The following ZNF329 variants were observed in gnomAD, a reference collection of about 807,000 sequenced individuals.
The protein encoded by ZNF329 is zinc finger protein 329.
Under a neutral mutation model 26.6 loss-of-function variants are expected in ZNF329, and 15 were observed. The observed-to-expected ratio is 0.56, with a 90% CI of 0.38 to 0.87. The LOEUF (loss-of-function observed/expected upper bound fraction) is 0.87. Ranked by LOEUF, ZNF329 falls within the 40% of genes least tolerant of loss-of-function variation. The pLI is 0.00. For missense variants in ZNF329, 651 were observed against 651.9 expected (o/e 1.00, Z 0.02); for synonymous variants, 239 against 233.5 (o/e 1.02, Z -0.21).
At chr19:58,151,598 T>A (rs1455308004), upstream of ZNF329, among the ~76,000 whole-genome samples, 2 of 118,384 alleles carry the variant, frequency 1.7e-5, no homozygotes, top group African/African-American at 3.4e-5. Context: ...GGAGACTTCG[T>A]CTCAAAAAAA....
At chr19:58,154,981 CGT>C (rs2146158992), upstream of ZNF329, 1 of 152,634 alleles carries the variant, frequency 6.6e-6, no homozygotes, top group East Asian at 1.9e-4. Flanking sequence ...AACCCGCAGC[CGT>C]GTCTCGGGCC....
chr19:58,144,382 A>ATCTATCTATC (rs148271661), intron 1 of ZNF329, among the ~76,000 whole-genome samples: 22,402 of 123,536 alleles, frequency 0.18, 2,284 homozygotes, highest in Non-Finnish European at 0.22. Flanking sequence ...CTATCTATCT[A>ATCTATCTATC]TATATATATA....
At chr19:58,145,314 CTTTTTT>C (rs71188087) in intron 1 of ZNF329, among the ~76,000 whole-genome samples, 18 of 106,170 alleles carry the variant, frequency 1.7e-4, no homozygotes, top group Non-Finnish European at 2.3e-4. Flanking sequence ...TTTTTTCTTC[CTTTTTT>C]TTTTTTTTTT....
intron 1 of ZNF329, among the ~76,000 whole-genome samples, chr19:58,147,352 C>T (rs1240515424): frequency 6.6e-5 from 10 of 150,392 alleles, no homozygotes; most frequent in Non-Finnish European, 1.3e-4. Flanking sequence ...CCCCTCCGCC[C>T]GGCAGCCACC....
chr19:58,147,491 A>C (rs1287052415), intron 1 of ZNF329, among the ~76,000 whole-genome samples: 9 of 102,102 alleles, frequency 8.8e-5, no homozygotes, highest in South Asian at 3.5e-4. Context: ...AGCCGCCCCT[A>C]CTGGGAAGTG....
chr19:58,133,223 C>T (rs955293770), intron 3 of ZNF329, among the ~76,000 whole-genome samples: 2 of 152,152 alleles, frequency 1.3e-5, no homozygotes, highest in Non-Finnish European at 2.9e-5. Context: ...TAACGGAAGG[C>T]TACTTTCAAA....
At chr19:58,147,324 C>T (rs281070) in intron 1 of ZNF329, among the ~76,000 whole-genome samples, 75,185 of 146,008 alleles carry the variant, frequency 0.51, 19,570 homozygotes, top group South Asian at 0.62. Context: ...GCAGCCGCCC[C>T]GTCTGAGAAG....
At chr19:58,141,841 C>T (rs1309201724) in intron 3 of ZNF329, among the ~76,000 whole-genome samples, 2 of 151,002 alleles carry the variant, frequency 1.3e-5, no homozygotes, top group African/African-American at 4.9e-5. Context: ...TGCAGTGAGC[C>T]GAGATCATGC....
intron 3 of ZNF329, among the ~76,000 whole-genome samples, chr19:58,140,651 G>A (rs1269031059): frequency 2.6e-5 from 4 of 151,468 alleles, no homozygotes; most frequent in African/African-American, 9.7e-5. Context: ...TCCTGACCTC[G>A]TGATCCGCCC....
chr19:58,151,487 G>C (rs1376109280), upstream of ZNF329, among the ~76,000 whole-genome samples: 4 of 151,876 alleles, frequency 2.6e-5, no homozygotes, highest in Non-Finnish European at 5.9e-5. Flanking sequence ...TGTAATCCCA[G>C]CTCCTCGGGA....
chr19:58,128,104 C>T lies in ZNF329; in HGVS notation c.1400G>A (p.Ser467Asn). The change falls in exon 4 of 4, where the codon AGC becomes AAC. Residue 467 changes from serine to asparagine, a missense_variant. By Grantham distance (46) the Ser-to-Asn change is conservative. Transcript: ENST00000598312. ...TCTCTGGTGCTTGGTCAGACAGGAG[C>T]TGTCCCTGAAGGCTTTGCCACACTG... is the stretch of plus-strand genomic sequence containing the variant. ...CNQCGKAFRD[S>N]SCLTKHQRIH... 1 of 1,603,222 alleles carries T rather than the reference C, an allele frequency of 6.2e-7. No homozygotes were observed. The highest frequency in any genetic ancestry group is 8.5e-7 in the Non-Finnish European group (1 of 1,174,574).
chr19:58,151,911 C>T (rs1184098013), upstream of ZNF329, among the ~76,000 whole-genome samples: 2 of 152,164 alleles, frequency 1.3e-5, no homozygotes, highest in Non-Finnish European at 2.9e-5. Context: ...AATCTGACTA[C>T]ATGTTAACAC....
rs1169916417 is a variant in ZNF329 at position 58,128,286 on chromosome 19, C to T, written c.1218G>A (p.Lys406=). Residue 406 remains lysine (K), a synonymous_variant, in exon 4 of 4, where the codon AAG becomes AAA. Transcript: ENST00000598312. ...EKPYECKECG[K]TFIESAYLIR... ...TGAGGTACGCACTCTCGATGAAAGT[C>T]TTGCCACATTCTTTACATTCATAGG... 6.2e-7 allele frequency: 1 copy of T among 1,612,020 alleles called. No individual in the cohort carries two copies. The highest frequency in any genetic ancestry group is 2.2e-5 in the East Asian group (1 of 44,854).
chr19:58,147,573 C>A (rs1318592199), intron 1 of ZNF329, among the ~76,000 whole-genome samples: 1 of 142,970 alleles, frequency 7.0e-6, no homozygotes. Context: ...GCCCGGCCAG[C>A]CGCCCCGTCC....
intron 3 of ZNF329, among the ~76,000 whole-genome samples, chr19:58,130,158 A>T (rs992887591): frequency 2.0e-5 from 3 of 152,134 alleles, no homozygotes; most frequent in African/African-American, 7.2e-5. Context: ...CGTCTCTACT[A>T]AAAATACAAA....
intron 3 of ZNF329, among the ~76,000 whole-genome samples, chr19:58,135,458 G>C (rs1353837570): frequency 6.6e-6 from 1 of 152,062 alleles, no homozygotes; most frequent in African/African-American, 2.4e-5. Flanking sequence ...GTAGAGACAG[G>C]TTTCACCATG....
At chr19:58,133,104 G>A (rs531327078) in intron 3 of ZNF329, among the ~76,000 whole-genome samples, 13 of 152,260 alleles carry the variant, frequency 8.5e-5, no homozygotes, top group African/African-American at 2.4e-4. Flanking sequence ...GAGCCACCGC[G>A]CCTGGCCAAT....
chr19:58,143,024 G>A (rs2075221359), intron 2 of ZNF329, 81 bp downstream of exon 2: 1 of 152,506 alleles, frequency 6.6e-6, no homozygotes, highest in Admixed American at 6.5e-5. Flanking sequence ...GTTGAGGCAG[G>A]AGGATCACTT....
chr19:58,130,628 C>T (rs1454806804), intron 3 of ZNF329, among the ~76,000 whole-genome samples: 2 of 140,834 alleles, frequency 1.4e-5, no homozygotes, highest in African/African-American at 2.7e-5. Flanking sequence ...GAGCCAAGAT[C>T]GTGCCACTGC....
Sources: gnomAD v4.1 joint callset for allele counts (sites outside exome capture counted in the v4.1 genomes callset) on GRCh38, gnomAD v4.1.1 for gene constraint, MANE v1.5 for transcripts, NCBI Gene and HGNC (gene_info 2026-07-23, HGNC 2026-07-21) for gene names.